ADAMTS17: variants seen among roughly 807,000 people sequenced by gnomAD.
ADAMTS17 encodes the protein ADAM metallopeptidase with thrombospondin type 1 motif 17, also known as A disintegrin and metalloproteinase with thrombospondin motifs 17.
A neutral mutation model predicts 141.5 loss-of-function variants in ADAMTS17; 113 were observed. The observed-to-expected ratio is 0.80, with a 90% confidence interval of 0.69 to 0.93. The LOEUF (loss-of-function observed/expected upper bound fraction) is 0.93. Among genes scored for constraint, ADAMTS17 ranks in the 40% least tolerant of loss-of-function variants. The pLI is 0.00. For missense variants in ADAMTS17, 1,659 were observed against 1,517.9 expected, an observed-to-expected ratio of 1.09 and a Z score of -1.54; for synonymous variants, 768 against 630.6, an observed-to-expected ratio of 1.22 and a Z score of -3.27.
intron 8 of ADAMTS17, among the ~76,000 whole-genome samples, chr15:100,197,131 C>T (rs2041150468): frequency 6.6e-6 from 1 of 152,198 alleles, no homozygotes; most frequent in South Asian, 2.1e-4. Flanking sequence ...CACACTCGAA[C>T]AGGTCATCAG....
At chr15:100,054,384 G>A (rs1159088798) in intron 15 of ADAMTS17, among the ~76,000 whole-genome samples, 1 of 152,208 alleles carries the variant, frequency 6.6e-6, no homozygotes, top group East Asian at 1.9e-4. Context: ...ACCATGGTCT[G>A]ATATCATTTC....
chr15:100,005,724 CT>C (rs2061024854), intron 18 of ADAMTS17, among the ~76,000 whole-genome samples: 1 of 152,174 alleles, frequency 6.6e-6, no homozygotes, highest in African/African-American at 2.4e-5. Context: ...GACTACCAAC[CT>C]GTATTAGTTT....
At chr15:100,334,155 C>T (rs1459479461) in intron 2 of ADAMTS17, among the ~76,000 whole-genome samples, 1 of 152,170 alleles carries the variant, frequency 6.6e-6, no homozygotes, top group Non-Finnish European at 1.5e-5. Flanking sequence ...CACACCACCT[C>T]GTGCCTGAAG....
rs567028340 is a variant in ADAMTS17, at chr15:100,258,573, G to T, written c.1031+2906C>A. On this transcript the variant is annotated intron_variant, in intron 6 of 21. Coordinates refer to ENST00000268070, the MANE Select transcript of ADAMTS17 (RefSeq NM_139057.4). The stretch of plus-strand genomic sequence containing the variant: ...CAGGCAGGGGAAGAGAGCTTGTGCA[G>T]GGAAACACCCCCTTATATAATCAGA... Among the ~76,000 whole-genome samples the T allele has an allele frequency of 3.3e-5, 5 of 152,270 alleles. No homozygotes were observed. In the South Asian group the frequency reaches 1.0e-3, roughly 32 times the overall value.
intron 10 of ADAMTS17, among the ~76,000 whole-genome samples, chr15:100,142,696 T>G (rs2038715458): frequency 6.6e-6 from 1 of 152,182 alleles, no homozygotes; most frequent in Non-Finnish European, 1.5e-5. Flanking sequence ...GCAGCCTGAC[T>G]AGAGAGTCCT....
chr15:100,147,814 AC>A (rs2038980245), intron 10 of ADAMTS17, among the ~76,000 whole-genome samples: 1 of 152,240 alleles, frequency 6.6e-6, no homozygotes. Flanking sequence ...TATTGCTGCT[AC>A]TACAAACTTA....
intron 4 of ADAMTS17, among the ~76,000 whole-genome samples, chr15:100,274,831 A>G (rs921360307): frequency 6.8e-6 from 1 of 146,466 alleles, no homozygotes; most frequent in East Asian, 1.9e-4. Context: ...TTTGGTAGTG[A>G]AACTTTTAAT....
At chr15:100,295,664 C>CTA (rs1253772427) in intron 3 of ADAMTS17, among the ~76,000 whole-genome samples, 2 of 152,166 alleles carry the variant, frequency 1.3e-5, no homozygotes, top group Non-Finnish European at 2.9e-5. Context: ...AGGATGATAC[C>CTA]TATCTCCTGG....
chr15:100,245,428 C>G (rs2042957330), intron 7 of ADAMTS17, among the ~76,000 whole-genome samples: 1 of 152,246 alleles, frequency 6.6e-6, no homozygotes, highest in Non-Finnish European at 1.5e-5. Flanking sequence ...TGCTTTCCAG[C>G]CCAAAAGGCA....
intron 7 of ADAMTS17, among the ~76,000 whole-genome samples, chr15:100,246,434 G>A (rs1191447202): frequency 6.6e-6 from 1 of 152,104 alleles, no homozygotes; most frequent in Non-Finnish European, 1.5e-5. Flanking sequence ...CTCTCAAAAA[G>A]CAAAGAACAT....
chr15:100,202,551 GGTT>G (rs2141657858), intron 7 of ADAMTS17, among the ~76,000 whole-genome samples: 1 of 152,300 alleles, frequency 6.6e-6, no homozygotes, highest in African/African-American at 2.4e-5. Context: ...GAAAATCCCA[GGTT>G]GTTGTAAAAT....
chr15:100,129,349 G>A (rs2037913423), intron 12 of ADAMTS17: 2 of 152,166 alleles, frequency 1.3e-5, no homozygotes, highest in Admixed American at 1.3e-4. Flanking sequence ...ATAACAAGAG[G>A]GGCTGCTTAT....
chr15:100,001,426 A>G lies in ADAMTS17; in HGVS notation c.2592-3837T>C, dbSNP rs186389003. Among the ~76,000 whole-genome samples the G allele has an allele frequency of 1.8e-3, 273 of 150,286 alleles. 1 individual carries two copies. Among genetic ancestry groups the G allele is most frequent in the Middle Eastern group, 0.014 (4 of 286 alleles). The stretch of plus-strand genomic sequence containing the variant: ...TTTTAGGGCAGTGAAACTGCTTTGT[A>G]TGATGCTATAACGGTGGAAACATGT... On this transcript the variant is annotated intron_variant, in intron 18 of 21. Coordinates refer to ENST00000268070, the MANE Select transcript of ADAMTS17 (RefSeq NM_139057.4).
Position 100,132,055 on chromosome 15 carries a change from G to C in ADAMTS17, c.1673C>G (p.Thr558Arg). ...CCTGAAGCGGGCTCCCGTCCCACAT[G>C]TTCGGCTGCACATGCTCCAGGCGCC... ...PWGAWSMCSR[T>R]CGTGARFRQR... Residue 558 changes from threonine to arginine, a missense_variant, in exon 12 of 22, where the codon ACA (threonine) becomes AGA (arginine). Coordinates refer to ENST00000268070, the MANE Select transcript of ADAMTS17 (RefSeq NM_139057.4). The C allele has an allele frequency of 6.2e-7, 1 of 1,613,924 alleles. No homozygotes were observed. The highest frequency in any genetic ancestry group is 8.5e-7 in the Non-Finnish European group (1 of 1,179,774).
At chr15:100,114,666 G>A (rs539836188) in intron 13 of ADAMTS17, among the ~76,000 whole-genome samples, 177 of 152,282 alleles carry the variant, frequency 1.2e-3, no homozygotes, top group Admixed American at 2.0e-3. Flanking sequence ...ATCAAAGGCG[G>A]TGGCACTCTA....
At chr15:100,238,529 G>C (rs1378231827) in intron 7 of ADAMTS17, among the ~76,000 whole-genome samples, 1 of 152,328 alleles carries the variant, frequency 6.6e-6, no homozygotes, top group Non-Finnish European at 1.5e-5. Flanking sequence ...CCTGAACACA[G>C]AATCTGTGAT....
At chr15:100,219,533 G>GT (rs905929863) in intron 7 of ADAMTS17, among the ~76,000 whole-genome samples, 13 of 152,142 alleles carry the variant, frequency 8.5e-5, no homozygotes, top group Admixed American at 2.6e-4. Flanking sequence ...ATCAGAGAGC[G>GT]TTATCGTCCT....
chr15:100,155,767 G>C (rs2039405963), intron 8 of ADAMTS17, among the ~76,000 whole-genome samples: 1 of 152,184 alleles, frequency 6.6e-6, no homozygotes, highest in African/African-American at 2.4e-5. Context: ...AGAATGATCT[G>C]AATCTAAGCC....
At chr15:100,329,306 A>G (rs900183357) in intron 3 of ADAMTS17, among the ~76,000 whole-genome samples, 1 of 152,172 alleles carries the variant, frequency 6.6e-6, no homozygotes, top group East Asian at 1.9e-4. Flanking sequence ...TGGCAGGCCA[A>G]GGCGAGAGGA....
Sources: gnomAD v4.1 joint callset for allele counts (sites outside exome capture counted in the v4.1 genomes callset) on GRCh38, gnomAD v4.1.1 for gene constraint, MANE v1.5 for transcripts, NCBI Gene and HGNC (gene_info 2026-07-23, HGNC 2026-07-21) for gene names.